MAST4: variants seen among roughly 807,000 people sequenced by gnomAD.
MAST4 encodes the protein microtubule associated serine/threonine kinase family member 4.
In MAST4, 89 loss-of-function variants were observed where a neutral mutation model predicts 162.7. That is an observed-to-expected ratio of 0.55 (90% CI 0.46 to 0.65). The LOEUF (loss-of-function observed/expected upper bound fraction) is 0.65. MAST4 is among the 30% of genes least tolerant of loss of function. The pLI, the probability that MAST4 is intolerant of heterozygous loss-of-function variation, is 0.00. For synonymous variants in MAST4, 1,479 were observed against 1,361.1 expected (o/e 1.09, Z -1.91); for missense variants, 3,153 against 3,374.0 (o/e 0.93, Z 1.62).
chr5:66,905,032 G>A (rs1379295886), intron 4 of MAST4, among the ~76,000 whole-genome samples: 5 of 152,228 alleles, frequency 3.3e-5, no homozygotes, highest in Admixed American at 6.5e-5. Context: ...AAGGCCGGGC[G>A]CAGTGGCTCA....
chr5:67,137,336 T>G (rs922417527), intron 19 of MAST4, among the ~76,000 whole-genome samples: 5 of 152,246 alleles, frequency 3.3e-5, no homozygotes, highest in Admixed American at 3.3e-4. Flanking sequence ...TAGACAGACT[T>G]AGCAATCCCA....
At chr5:67,040,321 T>G (rs1245459386) in intron 4 of MAST4, among the ~76,000 whole-genome samples, 3 of 152,190 alleles carry the variant, frequency 2.0e-5, no homozygotes, top group Non-Finnish European at 1.5e-5. Flanking sequence ...TCCAGAGAGC[T>G]GTGTCTGGCT....
chr5:66,874,000 A>T (rs893987138), intron 3 of MAST4, among the ~76,000 whole-genome samples: 15 of 152,186 alleles, frequency 9.9e-5, no homozygotes, highest in African/African-American at 3.4e-4. Flanking sequence ...TTTTAGCCTG[A>T]TTTTTTTCTT....
chr5:67,034,049 C>T (rs1306095790), intron 4 of MAST4, among the ~76,000 whole-genome samples: 2 of 152,114 alleles, frequency 1.3e-5, no homozygotes, highest in African/African-American at 2.4e-5. Flanking sequence ...ATAAACCAGT[C>T]GGCCGGTGAC....
chr5:66,718,444 T>A (rs1750994579), intron 1 of MAST4, among the ~76,000 whole-genome samples: 1 of 152,110 alleles, frequency 6.6e-6, no homozygotes, highest in Non-Finnish European at 1.5e-5. Flanking sequence ...CCAGTTCAGG[T>A]GCCCAGGAGA....
intron 1 of MAST4, among the ~76,000 whole-genome samples, chr5:66,750,489 G>T (rs147567455): frequency 2.2e-4 from 33 of 152,322 alleles, no homozygotes; most frequent in Non-Finnish European, 3.7e-4. Context: ...CTTGGGAAGC[G>T]CAAGGGGTCA....
intron 3 of MAST4, among the ~76,000 whole-genome samples, chr5:66,803,992 T>G (rs550506375): frequency 1.3e-3 from 203 of 152,218 alleles, no homozygotes; most frequent in Non-Finnish European, 2.0e-3. Flanking sequence ...TTTTCTTGTT[T>G]CTTAAATTTT....
chr5:66,840,202 G>A (rs1275303840), intron 3 of MAST4, among the ~76,000 whole-genome samples: 1 of 151,970 alleles, frequency 6.6e-6, no homozygotes, highest in Non-Finnish European at 1.5e-5. Context: ...TTTTAGCTTT[G>A]TGCTAAAATT....
intron 1 of MAST4, among the ~76,000 whole-genome samples, chr5:66,648,597 TTA>T (rs1322817795): frequency 6.6e-6 from 1 of 152,140 alleles, no homozygotes; most frequent in African/African-American, 2.4e-5. Flanking sequence ...GAAAATGGCC[TTA>T]TTAATTTTAA....
intron 5 of MAST4, among the ~76,000 whole-genome samples, chr5:67,084,792 T>A (rs1763061476): frequency 6.6e-6 from 1 of 152,182 alleles, no homozygotes; most frequent in Non-Finnish European, 1.5e-5. Flanking sequence ...CTACAAATAT[T>A]TTACTTAGCA....
At chr5:66,735,537 C>G (rs148650171) in intron 1 of MAST4, among the ~76,000 whole-genome samples, 298 of 152,150 alleles carry the variant, frequency 2.0e-3, no homozygotes, top group African/African-American at 6.7e-3. Context: ...ATGATACTTG[C>G]TTATTAAATA....
intron 4 of MAST4, among the ~76,000 whole-genome samples, chr5:66,946,344 T>A (rs969779449): frequency 1.1e-4 from 16 of 152,216 alleles, no homozygotes; most frequent in Non-Finnish European, 7.3e-5. Context: ...TTATTGAACT[T>A]CTTTATAGCT....
intron 4 of MAST4, among the ~76,000 whole-genome samples, chr5:67,034,326 C>A (rs926854215): frequency 6.6e-6 from 1 of 152,148 alleles, no homozygotes; most frequent in Non-Finnish European, 1.5e-5. Flanking sequence ...GGAAAAGGCT[C>A]AAGAAGGAAA....
At chr5:67,015,535 C>T (rs1363659725) in intron 4 of MAST4, among the ~76,000 whole-genome samples, 4 of 152,130 alleles carry the variant, frequency 2.6e-5, no homozygotes, top group African/African-American at 9.7e-5. Flanking sequence ...ATTGTTTGTG[C>T]TTTGCTCTGT....
chr5:67,142,211 C>T lies in MAST4; in HGVS notation c.2591C>T (p.Ser864Phe). 2 of 1,613,872 alleles carry T rather than the reference C, an allele frequency of 1.2e-6. No individual in the cohort carries two copies. The highest frequency in any genetic ancestry group is 2.2e-5 in the South Asian group (2 of 91,082). ...QKAEFIPQLE[S>F]EDDTSYFDTR... ...GCAGAATTTATTCCCCAACTGGAAT[C>T]TGAGGATGACACAAGTTATTTTGAT... is the stretch of plus-strand genomic sequence containing the variant. Residue 864 changes from serine to phenylalanine, a missense_variant, in exon 20 of 29, where the codon TCT becomes TTT. Ser to Phe is a radical substitution (Grantham distance 155, BLOSUM62 -2). Coordinates refer to ENST00000403625, the MANE Select transcript of MAST4 (RefSeq NM_001164664.2).
intron 4 of MAST4, among the ~76,000 whole-genome samples, chr5:67,008,678 T>A (rs953826895): frequency 7.2e-5 from 11 of 152,238 alleles, no homozygotes; most frequent in Non-Finnish European, 1.6e-4. Flanking sequence ...GGGTAGTTTG[T>A]GACTCAGTTC....
chr5:66,734,977 C>T (rs1172330516), intron 1 of MAST4, among the ~76,000 whole-genome samples: 3 of 152,192 alleles, frequency 2.0e-5, no homozygotes, highest in African/African-American at 7.2e-5. Flanking sequence ...GACCTGTATC[C>T]AAGAGCCTGT....
chr5:66,872,392 A>T (rs1298681868), intron 3 of MAST4, among the ~76,000 whole-genome samples: 1 of 151,452 alleles, frequency 6.6e-6, no homozygotes, highest in Non-Finnish European at 1.5e-5. Context: ...CTGGTCTCAA[A>T]CTCCTGACCT....
chr5:66,934,526 C>T (rs1490310122), intron 4 of MAST4, among the ~76,000 whole-genome samples: 1 of 151,798 alleles, frequency 6.6e-6, no homozygotes, highest in Admixed American at 6.6e-5. Flanking sequence ...AGCCTGTTAA[C>T]GACACGGCAA....
Sources: gnomAD v4.1 joint callset for allele counts (sites outside exome capture counted in the v4.1 genomes callset) on GRCh38, gnomAD v4.1.1 for gene constraint, MANE v1.5 for transcripts, NCBI Gene and HGNC (gene_info 2026-07-23, HGNC 2026-07-21) for gene names.